TSPAN15: variants seen among roughly 807,000 people sequenced by gnomAD.
The protein encoded by TSPAN15 is tetraspanin 15, also known as tetraspanin-15.
Under a neutral mutation model 34.5 loss-of-function variants are expected in TSPAN15, and 20 were observed. That is an observed-to-expected ratio of 0.58 (90% confidence interval 0.41 to 0.84). TSPAN15 has a LOEUF of 0.84. TSPAN15 is among the 40% of genes least tolerant of loss of function. The pLI is 0.00. For synonymous variants in TSPAN15, 155 were observed against 153.9 expected (o/e 1.01, Z -0.05); for missense variants, 313 against 386.1 (o/e 0.81, Z 1.59).
intron 1 of TSPAN15, among the ~76,000 whole-genome samples, chr10:69,453,823 A>C (rs1389699585): frequency 6.6e-6 from 1 of 152,192 alleles, no homozygotes; most frequent in African/African-American, 2.4e-5. Context: ...TGGTTCTCAG[A>C]ACTTGGAATC....
chr10:69,532,974 C>T, the TSPAN15 span, among the ~76,000 whole-genome samples: 17,389 of 152,116 alleles, frequency 0.11, 1,260 homozygotes, highest in South Asian at 0.16. Flanking sequence ...AATTGCAATG[C>T]GTTACCACCT....
At chr10:69,532,413 A>G in the TSPAN15 span, among the ~76,000 whole-genome samples, 44 of 152,322 alleles carry the variant, frequency 2.9e-4, no homozygotes, top group Non-Finnish European at 6.3e-4. Flanking sequence ...AAAGCAAACA[A>G]AAACATAACA....
chr10:69,483,744 G>C lies in TSPAN15; in HGVS notation c.150G>C (p.Gln50His), dbSNP rs371100812. 1 of 1,614,202 alleles carries C rather than the reference G, an allele frequency of 6.2e-7. No homozygotes were observed. Among genetic ancestry groups the C allele is most frequent in the East Asian group, 2.2e-5 (1 of 44,878 alleles). The part of the protein sequence containing the change: ...SVGIYAEVER[Q>H]KYKTLESAFL... ...GCATCTATGCAGAGGTTGAGCGGCA[G>C]AAATATAAAACCCTTGAAAGTGCCT... Residue 50 changes from glutamine (Q) to histidine (H), a missense_variant, in exon 2 of 8, where the codon CAG becomes CAC. By Grantham distance (24) the Gln-to-His change is conservative. Transcript: ENST00000373290.
the TSPAN15 span, among the ~76,000 whole-genome samples, chr10:69,532,579 A>G: frequency 6.6e-6 from 1 of 152,370 alleles, no homozygotes; most frequent in African/African-American, 2.4e-5. Context: ...TAAAAATTCT[A>G]GAAGATAACA....
the TSPAN15 span, among the ~76,000 whole-genome samples, chr10:69,530,817 T>C: frequency 1.9e-5 from 1 of 53,428 alleles, no homozygotes; most frequent in African/African-American, 8.2e-5. Context: ...TCTCTCTCTC[T>C]CTCTATATAT....
At chr10:69,509,407 C>T (rs768383006), downstream of TSPAN15, among the ~76,000 whole-genome samples, 13 of 150,678 alleles carry the variant, frequency 8.6e-5, no homozygotes, top group East Asian at 1.9e-4. Context: ...TCATATCCTT[C>T]GCCCACTTTT....
rs745864673 is a variant in TSPAN15, at chr10:69,483,874, G to A, written c.280G>A (p.Ala94Thr). 2.5e-6 allele frequency: 4 copies of A among 1,612,806 alleles called. No homozygotes were observed. The African/African-American group carries it at 4.0e-5, about 16-fold the overall frequency. Reference sequence around the variant, plus strand: ...CCGTGACAACCTGTACCTTCTCCAAGCAGTGAGTGGACCACACCACCCCTC... The same window carrying A: ...CCGTGACAACCTGTACCTTCTCCAAACAGTGAGTGGACCACACCACCCCTC... ...SLRDNLYLLQ[A>T]FMYILGICLI... The change falls in exon 2 of 8, where the codon GCA (alanine) becomes ACA (threonine). Residue 94 changes from alanine (A) to threonine (T), a missense_variant and splice_region_variant. Physicochemically the swap from Ala to Thr is moderately conservative, Grantham distance 58. Transcript: ENST00000373290.
intron 1 of TSPAN15, among the ~76,000 whole-genome samples, chr10:69,458,622 C>A (rs1377644312): frequency 6.6e-6 from 1 of 152,098 alleles, no homozygotes; most frequent in African/African-American, 2.4e-5. Flanking sequence ...CAGAGATGAT[C>A]TCATAGCATC....
the TSPAN15 span, among the ~76,000 whole-genome samples, chr10:69,543,263 A>G: frequency 6.6e-6 from 1 of 152,128 alleles, no homozygotes; most frequent in Non-Finnish European, 1.5e-5. Context: ...GGGGGGTAAG[A>G]CATCCTTCCT....
chr10:69,492,400 C>T (rs563629258), intron 3 of TSPAN15, among the ~76,000 whole-genome samples: 25 of 152,318 alleles, frequency 1.6e-4, no homozygotes, highest in African/African-American at 5.1e-4. Context: ...TCAGTGTCCT[C>T]GTCTCCCCGG....
the TSPAN15 span, among the ~76,000 whole-genome samples, chr10:69,517,757 T>G: frequency 1.3e-5 from 2 of 152,206 alleles, no homozygotes; most frequent in Non-Finnish European, 2.9e-5. Context: ...ATCCCTGCCT[T>G]GGCTCTGTGA....
intron 5 of TSPAN15, among the ~76,000 whole-genome samples, chr10:69,503,879 A>G (rs1842263671): frequency 6.6e-6 from 1 of 152,094 alleles, no homozygotes; most frequent in South Asian, 2.1e-4. Context: ...TGCCTAAATT[A>G]ATCAGTAGTC....
intron 2 of TSPAN15, among the ~76,000 whole-genome samples, chr10:69,484,605 G>A (rs904219166): frequency 1.3e-5 from 2 of 152,232 alleles, no homozygotes; most frequent in African/African-American, 4.8e-5. Context: ...GGGTTTGGGT[G>A]CTACTTGAGG....
chr10:69,485,061 T>C lies in TSPAN15; in HGVS notation c.283-80T>C, dbSNP rs552076832. On this transcript the variant is annotated intron_variant, in intron 2 of 7. Transcript: ENST00000373290. ...GGATGCTTCTCTTTGTGCTTGCTCT[T>C]GGAGCAGATGGTGCCTCCCCTGTAC... is the stretch of plus-strand genomic sequence containing the variant. The C allele has an allele frequency of 1.0e-4, 135 of 1,343,966 alleles. 1 individual carries two copies. The highest frequency in any genetic ancestry group is 4.3e-6 in the Non-Finnish European group (4 of 934,156). The allele number at this position is 1,343,966 out of a possible 1,614,324, so 83.3% of individuals were successfully genotyped here. A position where few individuals can be genotyped will look rare whatever the true frequency, so the allele number is the denominator to read the frequency against.
At chr10:69,507,758 A>T, downstream of TSPAN15, 1 of 866,448 alleles carries the variant, frequency 1.2e-6, no homozygotes, top group Non-Finnish European at 1.5e-6. Flanking sequence ...TGCGAGGATG[A>T]AGGGGGTGCA....
At chr10:69,452,852 C>G (rs182324421) in intron 1 of TSPAN15, among the ~76,000 whole-genome samples, 3 of 152,220 alleles carry the variant, frequency 2.0e-5, no homozygotes, top group Non-Finnish European at 4.4e-5. Context: ...CACACACTCT[C>G]CCCTGGTGTC....
chr10:69,457,101 C>T (rs1841128656), intron 1 of TSPAN15, among the ~76,000 whole-genome samples: 1 of 152,218 alleles, frequency 6.6e-6, no homozygotes, highest in African/African-American at 2.4e-5. Flanking sequence ...ATTGGGGACA[C>T]ACCTCTAATT....
At chr10:69,533,304 T>G in the TSPAN15 span, among the ~76,000 whole-genome samples, 1 of 151,798 alleles carries the variant, frequency 6.6e-6, no homozygotes, top group Non-Finnish European at 1.5e-5. Context: ...GAAACTGTGA[T>G]ATATATATAT....
chr10:69,484,673 G>C (rs1261900768), intron 2 of TSPAN15, among the ~76,000 whole-genome samples: 1 of 152,174 alleles, frequency 6.6e-6, no homozygotes, highest in Non-Finnish European at 1.5e-5. Flanking sequence ...GGGCAGAGGT[G>C]GGGGTGCATA....
Sources: gnomAD v4.1 joint callset for allele counts (sites outside exome capture counted in the v4.1 genomes callset) on GRCh38, gnomAD v4.1.1 for gene constraint, MANE v1.5 for transcripts, NCBI Gene and HGNC (gene_info 2026-07-23, HGNC 2026-07-21) for gene names.